EML4: variants seen among roughly 807,000 people sequenced by gnomAD.
EML4 encodes EMAP like 4.
A neutral mutation model predicts 129.0 loss-of-function variants in EML4; 72 were observed. The ratio of observed to expected loss-of-function variants is 0.56; its 90% CI spans 0.46 to 0.68. The LOEUF is 0.68. Among genes scored for constraint, EML4 ranks in the 30% least tolerant of loss-of-function variants. The probability of loss-of-function intolerance (pLI) is 0.00; values close to 1 mark genes in which losing one functional copy is unlikely to be tolerated. For synonymous variants in EML4, 532 were observed against 405.0 expected (o/e 1.31, Z -3.77); for missense variants, 1,363 against 1,190.6 (o/e 1.14, Z -2.13).
intron 1 of EML4, among the ~76,000 whole-genome samples, chr2:42,236,441 T>G (rs1460592135): frequency 6.6e-6 from 1 of 152,344 alleles, no homozygotes; most frequent in Middle Eastern, 3.4e-3. Context: ...GAACAGAGAC[T>G]GGGAGACTGC....
chr2:42,238,909 G>A (rs933619557), intron 1 of EML4, among the ~76,000 whole-genome samples: 2 of 152,104 alleles, frequency 1.3e-5, no homozygotes, highest in African/African-American at 4.8e-5. Context: ...TCAGGACTGG[G>A]ACTATAGGTG....
intron 1 of EML4, among the ~76,000 whole-genome samples, chr2:42,175,078 T>A (rs1670524027): frequency 1.3e-5 from 2 of 151,660 alleles, no homozygotes; most frequent in Non-Finnish European, 2.9e-5. Flanking sequence ...TGGCCTCCCT[T>A]ACAGGTGTGA....
Position 42,191,234 on chromosome 2 carries a change from T to C in EML4, c.25+21598T>C, listed in dbSNP as rs569716155. On this transcript the variant is annotated intron_variant, in intron 1 of 22. Coordinates refer to ENST00000318522, the MANE Select transcript of EML4 (RefSeq NM_019063.5). ...CATGCTTAATATAAAGTAAAATATG[T>C]ATTATGTACATAATTGAGGGTAAGT... Among the ~76,000 whole-genome samples the C allele has an allele frequency of 3.0e-4, 45 of 152,330 alleles. 1 individual carries two copies. Among genetic ancestry groups the C allele is most frequent in the African/African-American group, 1.0e-3 (43 of 41,580 alleles).
chr2:42,313,198 C>T (rs1220763991), intron 17 of EML4, among the ~76,000 whole-genome samples: 7 of 151,976 alleles, frequency 4.6e-5, no homozygotes, highest in East Asian at 1.9e-4. Flanking sequence ...CCTCGTGATC[C>T]GCCTGCCTCG....
intron 3 of EML4, among the ~76,000 whole-genome samples, chr2:42,257,404 G>T (rs920706166): frequency 6.6e-6 from 1 of 152,172 alleles, no homozygotes; most frequent in African/African-American, 2.4e-5. Flanking sequence ...GTGTAACAAT[G>T]TACTGATGGA....
At chr2:42,249,015 GTTTA>G (rs1572625581) in intron 2 of EML4, among the ~76,000 whole-genome samples, 1 of 152,108 alleles carries the variant, frequency 6.6e-6, no homozygotes, top group African/African-American at 2.4e-5. Flanking sequence ...TTATCTTGGA[GTTTA>G]TTTATAGCAT....
intron 1 of EML4, among the ~76,000 whole-genome samples, chr2:42,230,669 G>T (rs1241734064): frequency 6.6e-6 from 1 of 152,172 alleles, no homozygotes; most frequent in Non-Finnish European, 1.5e-5. Flanking sequence ...GCCTCCGAAA[G>T]TGCTGGGATT....
intron 6 of EML4, among the ~76,000 whole-genome samples, chr2:42,275,302 A>C (rs1666594498): frequency 6.6e-6 from 1 of 152,200 alleles, no homozygotes; most frequent in African/African-American, 2.4e-5. Context: ...TTTCCAGTAT[A>C]TCTCAATTCA....
chr2:42,279,400 C>G (rs1315037540), intron 6 of EML4, among the ~76,000 whole-genome samples: 1 of 151,810 alleles, frequency 6.6e-6, no homozygotes, highest in East Asian at 1.9e-4. Context: ...TACCATTTTG[C>G]ATTCCTACCA....
chr2:42,195,261 G>C (rs1031117238), intron 1 of EML4, among the ~76,000 whole-genome samples: 1 of 152,108 alleles, frequency 6.6e-6, no homozygotes, highest in African/African-American at 2.4e-5. Context: ...AAACATTAGA[G>C]CATATGCCTT....
chr2:42,290,464 C>T (rs532406988), intron 11 of EML4, among the ~76,000 whole-genome samples: 22 of 151,888 alleles, frequency 1.4e-4, no homozygotes, highest in African/African-American at 2.7e-4. Flanking sequence ...CTGTGGCTCA[C>T]GCCTATAATC....
At chr2:42,202,524 C>T (rs1017870574) in intron 1 of EML4, among the ~76,000 whole-genome samples, 1 of 152,116 alleles carries the variant, frequency 6.6e-6, no homozygotes, top group African/African-American at 2.4e-5. Context: ...TGAGGTTTCA[C>T]AATAGGCCAT....
At chr2:42,250,602 A>G (rs1364428141) in intron 2 of EML4, among the ~76,000 whole-genome samples, 2 of 152,092 alleles carry the variant, frequency 1.3e-5, no homozygotes, top group Non-Finnish European at 2.9e-5. Flanking sequence ...TTGTTTGAGC[A>G]TTATAGGGTG....
intron 1 of EML4, among the ~76,000 whole-genome samples, chr2:42,225,733 C>T (rs893638776): frequency 6.6e-6 from 1 of 152,012 alleles, no homozygotes; most frequent in African/African-American, 2.4e-5. Flanking sequence ...TAGAAGTTTG[C>T]CTAGTCATGT....
intron 1 of EML4, among the ~76,000 whole-genome samples, chr2:42,193,284 T>C (rs1572855851): frequency 1.3e-5 from 2 of 152,234 alleles, no homozygotes; most frequent in Non-Finnish European, 2.9e-5. Flanking sequence ...AAGTACATTC[T>C]GTGATTTTGC....
In EML4 at chr2:42,212,255, T is replaced by G. The variant is rs191980024; in HGVS notation, c.26-33250T>G. On this transcript the variant is annotated intron_variant, in intron 1 of 22. Transcript: ENST00000318522. ...TCTGTTAAGATAAAAATGTTTTTGT[T>G]GATGGTTTTTAATTTCCTAATGAAA... Among the ~76,000 whole-genome samples, 3 of 152,348 alleles carry G rather than the reference T, an allele frequency of 2.0e-5. No individual in the cohort carries two copies. The East Asian group carries it at 5.8e-4, about 29-fold the overall frequency.
intron 1 of EML4, among the ~76,000 whole-genome samples, chr2:42,207,591 C>G (rs547401518): frequency 1.3e-5 from 2 of 152,262 alleles, no homozygotes; most frequent in African/African-American, 4.8e-5. Context: ...CTACCCAGTT[C>G]TAATAAATTT....
chr2:42,315,867 C>T (rs781714366), intron 17 of EML4, 95 bp from the exon 18 acceptor site: 60 of 865,836 alleles, frequency 6.9e-5, no homozygotes, highest in Non-Finnish European at 8.2e-5. Flanking sequence ...TATGACAAAG[C>T]AAGACTCCAT....
chr2:42,202,227 A>G (rs113212737), intron 1 of EML4, among the ~76,000 whole-genome samples: 3 of 152,296 alleles, frequency 2.0e-5, no homozygotes, highest in African/African-American at 7.2e-5. Context: ...ATTGCACAGT[A>G]TGATGTCTGT....
Sources: gnomAD v4.1 joint callset for allele counts (sites outside exome capture counted in the v4.1 genomes callset) on GRCh38, gnomAD v4.1.1 for gene constraint, MANE v1.5 for transcripts, NCBI Gene and HGNC (gene_info 2026-07-23, HGNC 2026-07-21) for gene names.